CAMK1D: variants seen among roughly 807,000 people sequenced by gnomAD.
CAMK1D encodes the protein calcium/calmodulin-dependent protein kinase type 1D.
A neutral mutation model predicts 47.7 loss-of-function variants in CAMK1D; 9 were observed. The observed-to-expected ratio is 0.19, with a 90% confidence interval of 0.11 to 0.33. The LOEUF (loss-of-function observed/expected upper bound fraction) is 0.33, where lower values mean the gene tolerates loss of function less well. Ranked by LOEUF, CAMK1D falls within the 10% of genes least tolerant of loss-of-function variation. The pLI, the probability that CAMK1D is intolerant of heterozygous loss-of-function variation, is 1.00. For synonymous variants in CAMK1D, 184 were observed against 184.9 expected (o/e 0.99, Z 0.04); for missense variants, 291 against 488.7 (o/e 0.60, Z 3.81).
At chr10:12,783,317 C>A (rs1336339008) in intron 5 of CAMK1D, among the ~76,000 whole-genome samples, 1 of 152,168 alleles carries the variant, frequency 6.6e-6, no homozygotes, top group East Asian at 1.9e-4. Flanking sequence ...TGGCTTTTAT[C>A]TTCTGGCATC....
chr10:12,661,815 C>G (rs1446564560), intron 2 of CAMK1D, among the ~76,000 whole-genome samples: 1 of 152,208 alleles, frequency 6.6e-6, no homozygotes, highest in African/African-American at 2.4e-5. Context: ...AATTCTGGAA[C>G]AGAAAATTAA....
At chr10:12,410,927 G>T (rs930262226) in intron 1 of CAMK1D, among the ~76,000 whole-genome samples, 19 of 152,184 alleles carry the variant, frequency 1.2e-4, no homozygotes, top group Admixed American at 1.0e-3. Context: ...ATTGCCAAAG[G>T]CGGCAGAGGA....
intron 6 of CAMK1D, among the ~76,000 whole-genome samples, chr10:12,801,796 A>G (rs1427835838): frequency 1.3e-5 from 2 of 152,246 alleles, no homozygotes; most frequent in African/African-American, 4.8e-5. Context: ...GACATGGAAT[A>G]CATGACATAT....
chr10:12,574,305 G>T (rs112946055), intron 2 of CAMK1D, among the ~76,000 whole-genome samples: 1,666 of 150,452 alleles, frequency 0.011, 25 homozygotes, highest in African/African-American at 0.038. Flanking sequence ...TTTCTGTTTT[G>T]TCCTTTTTTT....
At chr10:12,493,889 A>C (rs1275088493) in intron 1 of CAMK1D, among the ~76,000 whole-genome samples, 1 of 152,158 alleles carries the variant, frequency 6.6e-6, no homozygotes, top group Non-Finnish European at 1.5e-5. Context: ...TTTCTGTTGG[A>C]AGCCTCTCCT....
At chr10:12,396,217 C>G (rs1475027999) in intron 1 of CAMK1D, among the ~76,000 whole-genome samples, 6 of 152,180 alleles carry the variant, frequency 3.9e-5, no homozygotes, top group Admixed American at 2.0e-4. Flanking sequence ...CGGTCCAGGG[C>G]TCCTTAACTC....
intron 1 of CAMK1D, among the ~76,000 whole-genome samples, chr10:12,444,942 G>A (rs1034868822): frequency 3.3e-5 from 5 of 152,144 alleles, no homozygotes; most frequent in East Asian, 1.9e-4. Context: ...GATGGGATTC[G>A]CTACAGAATG....
chr10:12,394,435 C>T (rs1416069923), intron 1 of CAMK1D, among the ~76,000 whole-genome samples: 1 of 152,224 alleles, frequency 6.6e-6, no homozygotes, highest in Non-Finnish European at 1.5e-5. Context: ...AACCCTCTCT[C>T]ATCACCTGGT....
intron 2 of CAMK1D, among the ~76,000 whole-genome samples, chr10:12,629,204 A>C (rs1439061783): frequency 6.6e-6 from 1 of 152,194 alleles, no homozygotes; most frequent in Non-Finnish European, 1.5e-5. Context: ...TGTATGCAGT[A>C]ATCTTCTTAG....
intron 3 of CAMK1D, among the ~76,000 whole-genome samples, chr10:12,685,966 C>T (rs1832644525): frequency 6.6e-6 from 1 of 152,174 alleles, no homozygotes; most frequent in Non-Finnish European, 1.5e-5. Context: ...ACAGCTGCCC[C>T]CTCTGCTATG....
intron 1 of CAMK1D, among the ~76,000 whole-genome samples, chr10:12,454,232 A>G (rs938739567): frequency 1.3e-5 from 2 of 152,132 alleles, no homozygotes; most frequent in African/African-American, 4.8e-5. Context: ...ACGCGATTTC[A>G]GCTCACTGCA....
intron 2 of CAMK1D, among the ~76,000 whole-genome samples, chr10:12,554,256 C>T (rs1215231480): frequency 1.4e-5 from 1 of 73,542 alleles, no homozygotes; most frequent in Non-Finnish European, 4.0e-5. Context: ...CTCCTGGCTT[C>T]AAGCGATTCT....
intron 5 of CAMK1D, among the ~76,000 whole-genome samples, chr10:12,776,843 T>A (rs1837269640): frequency 6.6e-6 from 1 of 152,118 alleles, no homozygotes. Flanking sequence ...CGACACCAAA[T>A]AGAGGGTGAG....
At chr10:12,535,325 T>C (rs1469939271) in intron 1 of CAMK1D, among the ~76,000 whole-genome samples, 1 of 152,212 alleles carries the variant, frequency 6.6e-6, no homozygotes, top group Non-Finnish European at 1.5e-5. Context: ...CTGAAGTGAC[T>C]TGTTTTTATT....
intron 1 of CAMK1D, among the ~76,000 whole-genome samples, chr10:12,423,215 T>C (rs1017523576): frequency 4.6e-5 from 7 of 152,014 alleles, no homozygotes; most frequent in Non-Finnish European, 1.0e-4. Context: ...AGCTGTATCA[T>C]AAAGAAAGGC....
chr10:12,368,535 C>T (rs1388339538), intron 1 of CAMK1D, among the ~76,000 whole-genome samples: 6 of 152,238 alleles, frequency 3.9e-5, no homozygotes, highest in African/African-American at 1.4e-4. Flanking sequence ...TGAGTTACAT[C>T]ATCTTTCTGA....
intron 3 of CAMK1D, among the ~76,000 whole-genome samples, chr10:12,689,982 A>G (rs921059518): frequency 3.3e-5 from 5 of 152,336 alleles, no homozygotes; most frequent in Middle Eastern, 3.4e-3. Context: ...GCTGTCATGT[A>G]CAGAGATTGT....
intron 3 of CAMK1D, among the ~76,000 whole-genome samples, chr10:12,675,941 TTTTG>T (rs141969944): frequency 0.022 from 3,307 of 151,872 alleles, 128 homozygotes; most frequent in African/African-American, 0.072. Context: ...TTTTTTTATG[TTTTG>T]TTTGTTTGTT....
chr10:12,515,776 A>T, intron 1 of CAMK1D, among the ~76,000 whole-genome samples: 1 of 151,012 alleles, frequency 6.6e-6, no homozygotes, highest in Non-Finnish European at 1.5e-5. Flanking sequence ...CACCCGGCTA[A>T]TTTTTTTTGT....
Sources: allele counts gnomAD v4.1 joint callset (sites outside exome capture counted in the v4.1 genomes callset), GRCh38; gene constraint gnomAD v4.1.1; transcripts MANE v1.5; gene names NCBI Gene and HGNC (gene_info 2026-07-23, HGNC 2026-07-21).